The following CDH18 variants were observed in gnomAD, a reference collection of about 807,000 sequenced individuals.
The protein encoded by CDH18 is cadherin-18.
A neutral mutation model predicts 67.9 loss-of-function variants in CDH18; 31 were observed. That is an observed-to-expected ratio of 0.46 (90% confidence interval 0.34 to 0.62). CDH18 has a LOEUF of 0.62. CDH18 is among the 20% of genes least tolerant of loss of function. The pLI is 0.01. For synonymous variants in CDH18, 362 were observed against 347.2 expected (o/e 1.04, Z -0.48); for missense variants, 890 against 975.5 (o/e 0.91, Z 1.17).
intron 10 of CDH18, among the ~76,000 whole-genome samples, chr5:19,505,534 T>C (rs1205549694): frequency 1.3e-5 from 2 of 152,138 alleles, no homozygotes; most frequent in South Asian, 2.1e-4. Context: ...TGAAGCATTG[T>C]TGAATTTTGT....
chr5:20,437,462 T>C (rs910390204), intron 1 of CDH18, among the ~76,000 whole-genome samples: 4 of 151,454 alleles, frequency 2.6e-5, no homozygotes, highest in African/African-American at 4.9e-5. Flanking sequence ...GAGTAATTAA[T>C]GTTCTTATGC....
At chr5:19,696,056 T>A (rs1762494593) in intron 5 of CDH18, among the ~76,000 whole-genome samples, 1 of 152,164 alleles carries the variant, frequency 6.6e-6, no homozygotes, top group Non-Finnish European at 1.5e-5. Flanking sequence ...CTTTAAAACT[T>A]ATATCTTGAT....
intron 1 of CDH18, among the ~76,000 whole-genome samples, chr5:20,342,987 C>T (rs1016933764): frequency 6.6e-6 from 1 of 152,132 alleles, no homozygotes; most frequent in Non-Finnish European, 1.5e-5. Context: ...GTGAGGGCAG[C>T]ACCTGCATCT....
At chr5:19,742,756 TCA>T (rs1554020674) in intron 4 of CDH18, among the ~76,000 whole-genome samples, 1 of 151,926 alleles carries the variant, frequency 6.6e-6, no homozygotes, top group East Asian at 1.9e-4. Flanking sequence ...TCTCTCTCTC[TCA>T]CTCAAGAAAG....
chr5:19,914,949 C>G (rs1791587997), intron 2 of CDH18, among the ~76,000 whole-genome samples: 1 of 151,958 alleles, frequency 6.6e-6, no homozygotes, highest in African/African-American at 2.4e-5. Flanking sequence ...AACTACTAAC[C>G]TTAATTACTT....
intron 1 of CDH18, among the ~76,000 whole-genome samples, chr5:20,477,005 TTCA>T (rs1561043526): frequency 6.6e-6 from 1 of 152,168 alleles, no homozygotes; most frequent in African/African-American, 2.4e-5. Context: ...TGTTTTTAAT[TTCA>T]TCGAGATTAC....
chr5:20,568,338 C>G (rs181622019), intron 1 of CDH18, among the ~76,000 whole-genome samples: 3 of 152,206 alleles, frequency 2.0e-5, no homozygotes, highest in Admixed American at 6.5e-5. Context: ...TTAGTATTCT[C>G]AGTGATAATG....
At chr5:20,303,845 T>C (rs566398049) in intron 1 of CDH18, among the ~76,000 whole-genome samples, 10 of 152,238 alleles carry the variant, frequency 6.6e-5, no homozygotes, top group Non-Finnish European at 1.2e-4. Flanking sequence ...TTTTACACTT[T>C]AGGCAGTTCT....
intron 1 of CDH18, among the ~76,000 whole-genome samples, chr5:20,551,371 A>G (rs1158597969): frequency 6.6e-6 from 1 of 152,160 alleles, no homozygotes; most frequent in African/African-American, 2.4e-5. Context: ...TTACTTCTTC[A>G]AAGGGGACAT....
At chr5:20,501,551 T>TAC (rs1486608912) in intron 1 of CDH18, among the ~76,000 whole-genome samples, 2 of 27,252 alleles carry the variant, frequency 7.3e-5, no homozygotes, top group African/African-American at 2.0e-4. Context: ...ACATATTATA[T>TAC]ATATAATATA....
chr5:20,409,263 A>G (rs1240389410), intron 1 of CDH18, among the ~76,000 whole-genome samples: 1 of 151,818 alleles, frequency 6.6e-6, no homozygotes, highest in Non-Finnish European at 1.5e-5. Context: ...AGATACAGCA[A>G]ATATTAGGCC....
intron 3 of CDH18, among the ~76,000 whole-genome samples, chr5:19,829,003 A>T (rs961643774): frequency 6.6e-6 from 1 of 152,148 alleles, no homozygotes; most frequent in African/African-American, 2.4e-5. Context: ...ATGCCATTGC[A>T]CTCTAGCCTA....
intron 1 of CDH18, among the ~76,000 whole-genome samples, chr5:20,572,185 T>C (rs139729845): frequency 6.6e-6 from 1 of 151,634 alleles, no homozygotes; most frequent in Non-Finnish European, 1.5e-5. Flanking sequence ...AGTAAAACAT[T>C]CTTTTATCTT....
chr5:20,511,312 G>C (rs1755018360), intron 1 of CDH18, among the ~76,000 whole-genome samples: 1 of 152,074 alleles, frequency 6.6e-6, no homozygotes, highest in Admixed American at 6.6e-5. Flanking sequence ...TCCATAAGTG[G>C]ACAAATATAC....
intron 2 of CDH18, among the ~76,000 whole-genome samples, chr5:19,903,818 T>C (rs182301879): frequency 1.2e-3 from 180 of 151,956 alleles, no homozygotes; most frequent in African/African-American, 4.0e-3. Context: ...AGGGCTGTGC[T>C]CCAGAAAAAT....
At chr5:19,639,358 G>A (rs1168414649) in intron 5 of CDH18, among the ~76,000 whole-genome samples, 1 of 152,142 alleles carries the variant, frequency 6.6e-6, no homozygotes, top group African/African-American at 2.4e-5. Context: ...AAACAAAGAG[G>A]AAGAGTAGAG....
chr5:20,189,183 CT>C (rs573900482), intron 2 of CDH18, among the ~76,000 whole-genome samples: 23 of 151,428 alleles, frequency 1.5e-4, no homozygotes, highest in Middle Eastern at 3.4e-3. Flanking sequence ...TGACTTCTCA[CT>C]TTTTTTTTGA....
intron 2 of CDH18, among the ~76,000 whole-genome samples, chr5:20,019,855 A>C (rs1263122472): frequency 6.6e-6 from 1 of 152,226 alleles, no homozygotes; most frequent in Admixed American, 6.5e-5. Context: ...AAGAGATTGG[A>C]GGGCTCAGAA....
intron 1 of CDH18, among the ~76,000 whole-genome samples, chr5:20,409,275 CA>C (rs1427914408): frequency 6.6e-6 from 1 of 151,670 alleles, no homozygotes; most frequent in Non-Finnish European, 1.5e-5. Context: ...TATTAGGCCA[CA>C]AAACATGTCT....
Sources: allele counts gnomAD v4.1 joint callset (sites outside exome capture counted in the v4.1 genomes callset), GRCh38; gene constraint gnomAD v4.1.1; transcripts MANE v1.5; gene names NCBI Gene and HGNC (gene_info 2026-07-23, HGNC 2026-07-21).